Variants in SORCS3 observed in about 807,000 individuals in gnomAD.
The protein encoded by SORCS3 is VPS10 domain-containing receptor SorCS3.
A neutral mutation model predicts 146.3 loss-of-function variants in SORCS3; 57 were observed. The ratio of observed to expected loss-of-function variants is 0.39; its 90% CI spans 0.31 to 0.49. SORCS3 has a LOEUF of 0.49. Among genes scored for constraint, SORCS3 ranks in the 20% least tolerant of loss-of-function variants. SORCS3 has a pLI of 0.92. For synonymous variants in SORCS3, 653 were observed against 618.5 expected, an observed-to-expected ratio of 1.06 and a Z score of -0.83; for missense variants, 1,341 against 1,575.5, an observed-to-expected ratio of 0.85 and a Z score of 2.52.
chr10:105,119,275 T>TG (rs1261465834), intron 7 of SORCS3, among the ~76,000 whole-genome samples: 1 of 152,174 alleles, frequency 6.6e-6, no homozygotes, highest in Non-Finnish European at 1.5e-5. Context: ...AATTGAGGTT[T>TG]GGGGATGTTC....
chr10:104,958,114 G>A (rs2133632395), intron 3 of SORCS3, among the ~76,000 whole-genome samples: 1 of 152,162 alleles, frequency 6.6e-6, no homozygotes, highest in Non-Finnish European at 1.5e-5. Flanking sequence ...GCCTTTGTTT[G>A]CACTAATTCT....
intron 4 of SORCS3, among the ~76,000 whole-genome samples, chr10:104,987,630 C>T (rs1162579402): frequency 4.6e-5 from 7 of 151,954 alleles, no homozygotes; most frequent in Admixed American, 4.6e-4. Flanking sequence ...CTCTGAAATT[C>T]TAGGAATATT....
At chr10:105,104,351 C>A (rs1228196493) in intron 6 of SORCS3, among the ~76,000 whole-genome samples, 1 of 152,098 alleles carries the variant, frequency 6.6e-6, no homozygotes, top group Non-Finnish European at 1.5e-5. Flanking sequence ...CACAGAGACT[C>A]ACCTGTAGTT....
intron 1 of SORCS3, among the ~76,000 whole-genome samples, chr10:104,811,728 C>T (rs561792113): frequency 3.9e-4 from 60 of 152,094 alleles, no homozygotes; most frequent in Non-Finnish European, 6.8e-4. Context: ...GCTCATTTAG[C>T]GGAGCGGTGC....
intron 5 of SORCS3, among the ~76,000 whole-genome samples, chr10:105,050,054 C>CAT (rs2055400481): frequency 6.6e-6 from 1 of 152,064 alleles, no homozygotes; most frequent in Non-Finnish European, 1.5e-5. Context: ...CACACACACA[C>CAT]ACACACATTT....
chr10:104,690,777 G>T (rs1428893770), intron 1 of SORCS3, among the ~76,000 whole-genome samples: 1 of 152,210 alleles, frequency 6.6e-6, no homozygotes, highest in Non-Finnish European at 1.5e-5. Flanking sequence ...GTGATCCAAA[G>T]AAGGTCTGCT....
At chr10:105,228,031 G>A (rs948516630) in intron 20 of SORCS3, among the ~76,000 whole-genome samples, 2 of 132,900 alleles carry the variant, frequency 1.5e-5, no homozygotes, top group Non-Finnish European at 3.3e-5. Flanking sequence ...GTGTGTGTGT[G>A]TGTATGTGTG....
At chr10:105,220,559 A>G (rs1242337562) in intron 19 of SORCS3, among the ~76,000 whole-genome samples, 2 of 152,154 alleles carry the variant, frequency 1.3e-5, no homozygotes, top group African/African-American at 2.4e-5. Flanking sequence ...AATGGGCTTC[A>G]TGCTTTCTGG....
intron 5 of SORCS3, among the ~76,000 whole-genome samples, chr10:105,075,728 T>C (rs1000283215): frequency 6.6e-6 from 1 of 152,110 alleles, no homozygotes; most frequent in Non-Finnish European, 1.5e-5. Context: ...GGGAAAATCA[T>C]AATGCCCCCT....
intron 17 of SORCS3, among the ~76,000 whole-genome samples, chr10:105,213,675 A>G (rs2056648052): frequency 6.6e-6 from 1 of 152,188 alleles, no homozygotes; most frequent in South Asian, 2.1e-4. Flanking sequence ...AAGGAAGATG[A>G]CATGGTGTCA....
chr10:104,706,875 A>AT (rs1172363141), intron 1 of SORCS3, among the ~76,000 whole-genome samples: 3 of 152,178 alleles, frequency 2.0e-5, no homozygotes, highest in Non-Finnish European at 2.9e-5. Context: ...AAGAAAAATG[A>AT]TTTTTTCTTT....
At chr10:104,659,683 A>C (rs1052701648) in intron 1 of SORCS3, among the ~76,000 whole-genome samples, 2 of 152,180 alleles carry the variant, frequency 1.3e-5, no homozygotes, top group Non-Finnish European at 2.9e-5. Flanking sequence ...TCAGGATATA[A>C]TCCCATTTTG....
At chr10:104,961,179 T>C (rs1181452944) in intron 3 of SORCS3, among the ~76,000 whole-genome samples, 2 of 152,188 alleles carry the variant, frequency 1.3e-5, no homozygotes, top group African/African-American at 4.8e-5. Context: ...GTCCCAGATG[T>C]GCACAGTAGC....
At chr10:104,855,275 T>C (rs2496004) in intron 2 of SORCS3, among the ~76,000 whole-genome samples, 125,170 of 152,104 alleles carry the variant, frequency 0.82, 51,835 homozygotes, top group East Asian at 0.98. Context: ...TCTCACTTTA[T>C]TCTTCTTTGT....
chr10:105,013,914 A>C (rs1311243973), intron 4 of SORCS3, among the ~76,000 whole-genome samples: 3 of 151,700 alleles, frequency 2.0e-5, no homozygotes, highest in Admixed American at 2.0e-4. Context: ...GTGGGTTGCT[A>C]ACTTAAGAGA....
At chr10:105,022,604 T>C (rs2133689818) in intron 4 of SORCS3, among the ~76,000 whole-genome samples, 1 of 152,302 alleles carries the variant, frequency 6.6e-6, no homozygotes, top group Middle Eastern at 3.4e-3. Flanking sequence ...TTAGAAGCAA[T>C]TCTCAATTTA....
chr10:104,672,062 T>C (rs1168466350), intron 1 of SORCS3, among the ~76,000 whole-genome samples: 1 of 152,220 alleles, frequency 6.6e-6, no homozygotes, highest in Non-Finnish European at 1.5e-5. Context: ...TGATAGTTCT[T>C]TAAATATTTG....
chr10:105,236,666 G>C (rs2119703866), intron 20 of SORCS3, among the ~76,000 whole-genome samples: 1 of 152,100 alleles, frequency 6.6e-6, no homozygotes, highest in South Asian at 2.1e-4. Context: ...TTTTTTCTTT[G>C]AGTGCTGTTT....
At chr10:104,779,496 TAAG>T (rs752418818) in intron 1 of SORCS3, among the ~76,000 whole-genome samples, 12 of 151,730 alleles carry the variant, frequency 7.9e-5, no homozygotes, top group Admixed American at 5.9e-4. Context: ...ATGTTGAGAG[TAAG>T]AAGATCTTCC....
Sources: allele counts gnomAD v4.1 joint callset (sites outside exome capture counted in the v4.1 genomes callset), GRCh38; gene constraint gnomAD v4.1.1; transcripts MANE v1.5; gene names NCBI Gene and HGNC (gene_info 2026-07-23, HGNC 2026-07-21).